The following RFTN1 variants were observed in gnomAD, a reference collection of about 807,000 sequenced individuals.
RFTN1 encodes raftlin.
Under a neutral mutation model 46.5 loss-of-function variants are expected in RFTN1, and 26 were observed. That is an observed-to-expected ratio of 0.56 (90% CI 0.41 to 0.78). The LOEUF is 0.78. Ranked by LOEUF, RFTN1 falls within the 30% of genes least tolerant of loss-of-function variation. The pLI, the probability that RFTN1 is intolerant of heterozygous loss-of-function variation, is 0.00. For missense variants in RFTN1, 693 were observed against 718.7 expected (o/e 0.96, Z 0.41); for synonymous variants, 261 against 284.2 (o/e 0.92, Z 0.82).
At position 16,376,089 on chromosome 3, in the gene RFTN1, G is replaced by A. The variant is rs1172145348; in HGVS notation, c.826+1629C>T. Among the ~76,000 whole-genome samples, 4 of 152,170 alleles carry A rather than the reference G, an allele frequency of 2.6e-5. No homozygotes were observed. The highest frequency in any genetic ancestry group is 9.7e-5 in the African/African-American group (4 of 41,436). On this transcript the variant is annotated intron_variant, in intron 5 of 9. Transcript: ENST00000334133. The surrounding 1 kb of genome is among the most constrained non-coding windows in gnomAD (Gnocchi z 4.7). ...TCTGGAACACAGGAAGCATCTGAAAGCTACTGAGGAAACCTCAATAGTAAC... is the reference window on the plus strand; with the variant it reads ...TCTGGAACACAGGAAGCATCTGAAAACTACTGAGGAAACCTCAATAGTAAC...
chr3:16,388,913 T>C (rs1425475514), intron 4 of RFTN1, among the ~76,000 whole-genome samples: 4 of 152,206 alleles, frequency 2.6e-5, no homozygotes, highest in Non-Finnish European at 4.4e-5. Flanking sequence ...GGTTAAGAAC[T>C]CAAGGGTTCA....
intron 3 of RFTN1, among the ~76,000 whole-genome samples, chr3:16,417,403 C>G (rs918633114): frequency 1.3e-5 from 2 of 152,164 alleles, no homozygotes; most frequent in Admixed American, 6.5e-5. Context: ...ACCACACACA[C>G]ATTAAATAAT....
intron 6 of RFTN1, among the ~76,000 whole-genome samples, chr3:16,365,108 T>C (rs2073076611): frequency 6.6e-6 from 1 of 152,126 alleles, no homozygotes; most frequent in African/African-American, 2.4e-5. Context: ...GCCCCTACAT[T>C]ATTAAGTGGC....
chr3:16,388,296 C>T (rs943145362), intron 4 of RFTN1, among the ~76,000 whole-genome samples: 1 of 152,190 alleles, frequency 6.6e-6, no homozygotes, highest in Non-Finnish European at 1.5e-5. Context: ...TCTTTTGCCT[C>T]CTGCTTTGTC....
intron 3 of RFTN1, among the ~76,000 whole-genome samples, chr3:16,419,396 G>C (rs2075145009): frequency 6.6e-6 from 1 of 152,218 alleles, no homozygotes; most frequent in Non-Finnish European, 1.5e-5. Flanking sequence ...GCAGGCGGCA[G>C]TGTGTATGAT....
intron 6 of RFTN1, among the ~76,000 whole-genome samples, chr3:16,369,605 G>A (rs1402831124): frequency 1.3e-5 from 2 of 152,222 alleles, no homozygotes; most frequent in Admixed American, 6.5e-5. Flanking sequence ...TGGGAGACCT[G>A]GGAACAGTGT....
chr3:16,427,490 G>A lies in RFTN1; in HGVS notation c.332+6361C>T, dbSNP rs371738743. Among the ~76,000 whole-genome samples the A allele has an allele frequency of 1.5e-4, 23 of 152,340 alleles. No individual in the cohort carries two copies. The East Asian group carries it at 3.9e-3, about 26-fold the overall frequency. ...TCTCTTGCATCACTTGACCCTGGGT[G>A]GACAAGGCTGACTCATTCAGTCATC... On this transcript the variant is annotated intron_variant, in intron 3 of 9. Coordinates refer to ENST00000334133, the MANE Select transcript of RFTN1 (RefSeq NM_015150.2). The surrounding 1 kb of genome is among the most constrained non-coding windows in gnomAD (Gnocchi z 5.4).
Position 16,499,605 on chromosome 3 carries a change from G to A in RFTN1, c.-8-5728C>T, listed in dbSNP as rs554635712. ...AGCCCTGCCAAAGCTGCAGATTCCTGAGCAAAATAAGCTACTGTTGTTGTT... is the reference window on the plus strand; with the variant it reads ...AGCCCTGCCAAAGCTGCAGATTCCTAAGCAAAATAAGCTACTGTTGTTGTT... On this transcript the variant is annotated intron_variant, in intron 1 of 9. Transcript: ENST00000334133. The surrounding 1 kb of genome is among the most constrained non-coding windows in gnomAD (Gnocchi z 4.9). Among the ~76,000 whole-genome samples, 297 of 152,346 alleles carry A rather than the reference G, an allele frequency of 1.9e-3. No individual in the cohort carries two copies. The highest frequency in any genetic ancestry group is 6.8e-3 in the Middle Eastern group (2 of 294).
chr3:16,434,958 C>T (rs1049220496), intron 2 of RFTN1, among the ~76,000 whole-genome samples: 2 of 152,090 alleles, frequency 1.3e-5, no homozygotes, highest in Non-Finnish European at 2.9e-5. Flanking sequence ...AAATAAAAAC[C>T]AGGAATATTT....
chr3:16,485,548 A>G (rs1559370567), intron 2 of RFTN1, among the ~76,000 whole-genome samples: 1 of 152,272 alleles, frequency 6.6e-6, no homozygotes, highest in Non-Finnish European at 1.5e-5. Flanking sequence ...AGAGGCACAC[A>G]CACGGTATGA....
intron 4 of RFTN1, among the ~76,000 whole-genome samples, chr3:16,397,665 T>A (rs111772738): frequency 6.6e-6 from 1 of 152,114 alleles, no homozygotes; most frequent in Non-Finnish European, 1.5e-5. Context: ...CCCACCCCAC[T>A]GACTACCTGT....
At chr3:16,399,041 TC>T (rs2125417795) in intron 4 of RFTN1, among the ~76,000 whole-genome samples, 1 of 152,338 alleles carries the variant, frequency 6.6e-6, no homozygotes, top group Non-Finnish European at 1.5e-5. Context: ...TTTTTAGGGA[TC>T]CCAAGTTGTT....
In RFTN1 at chr3:16,321,600, G is replaced by A. The variant is rs564563399; in HGVS notation, c.1332+1776C>T. Among the ~76,000 whole-genome samples the A allele has an allele frequency of 6.6e-6, 1 of 152,170 alleles. No homozygotes were observed. Among genetic ancestry groups the A allele is most frequent in the East Asian group, 1.9e-4 (1 of 5,194 alleles). ...TCTGGCTGTGAAGCCCCCCTCTCTG[G>A]AGGACTCCCATCTGTGAGGTGACCC... On this transcript the variant is annotated intron_variant, in intron 9 of 9. Coordinates refer to ENST00000334133, the MANE Select transcript of RFTN1 (RefSeq NM_015150.2). The surrounding 1 kb of genome is among the most constrained non-coding windows in gnomAD (Gnocchi z 4.8).
chr3:16,365,726 C>T (rs796959661), intron 6 of RFTN1, among the ~76,000 whole-genome samples: 1 of 150,824 alleles, frequency 6.6e-6, no homozygotes, highest in Non-Finnish European at 1.5e-5. Flanking sequence ...TAATTCTTAA[C>T]TTATCAAGGC....
At chr3:16,325,460 C>T (rs1485247119) in intron 8 of RFTN1, among the ~76,000 whole-genome samples, 1 of 152,214 alleles carries the variant, frequency 6.6e-6, no homozygotes, top group African/African-American at 2.4e-5. Context: ...TGGGCCTTCA[C>T]ATTCAAATAC....
chr3:16,318,455 A>G (rs193003828), intron 9 of RFTN1, among the ~76,000 whole-genome samples: 2 of 152,328 alleles, frequency 1.3e-5, no homozygotes, highest in East Asian at 3.9e-4. Context: ...AGGCTTTAGT[A>G]TGTTGTAAAT....
chr3:16,448,133 A>AAAG lies in RFTN1; in HGVS notation c.146-14099_146-14097dup, dbSNP rs2075765341. The stretch of plus-strand genomic sequence containing the variant: ...TTTCAAAGACTTGGTAAAAAAAAAA[A>AAAG]AAGTCTCCCAATAATAATTTTTTAT... On this transcript the variant is annotated intron_variant, in intron 2 of 9. Transcript: ENST00000334133. This position sits in a 1 kb window ranked among gnomAD's most constrained non-coding sequence, Gnocchi z 4.1. 1.3e-5 allele frequency among the ~76,000 whole-genome samples: 2 copies of AAAG among 152,254 alleles called. No individual in the cohort carries two copies. Among genetic ancestry groups the AAAG allele is most frequent in the Admixed American group, 6.5e-5 (1 of 15,304 alleles).
intron 4 of RFTN1, among the ~76,000 whole-genome samples, chr3:16,388,354 A>G (rs1054904979): frequency 2.0e-5 from 3 of 152,198 alleles, no homozygotes; most frequent in Non-Finnish European, 4.4e-5. Flanking sequence ...TTCCTTGGGC[A>G]TTTATTAAAG....
In RFTN1 at chr3:16,326,814, C is replaced by T; in HGVS notation, c.1209G>A (p.Gln403=). The T allele has an allele frequency of 6.8e-6, 11 of 1,614,114 alleles. No individual in the cohort carries two copies. Among genetic ancestry groups the T allele is most frequent in the Middle Eastern group, 1.7e-4 (1 of 6,060 alleles). Residue 403 remains glutamine (Q), a synonymous_variant, in exon 8 of 10, where the codon CAG becomes CAA. Transcript: ENST00000334133. The part of the protein sequence containing the change: ...LLNSLAAYGW[Q]LTCVLPTPVV... ...CGGGAGTTGGTAGCACACAGGTGAG[C>T]TGCCAGCCATAGGCCGCCAGCGAGT... is the stretch of plus-strand genomic sequence containing the variant.
Sources: gnomAD v4.1 joint callset for allele counts (sites outside exome capture counted in the v4.1 genomes callset) on GRCh38, gnomAD v4.1.1 for gene constraint, Gnocchi (gnomAD v3.1) non-coding constraint, MANE v1.5 for transcripts, NCBI Gene and HGNC (gene_info 2026-07-23, HGNC 2026-07-21) for gene names.